RUVBL1: variants seen among roughly 807,000 people sequenced by gnomAD.
RUVBL1 encodes the protein RuvB like AAA ATPase 1.
A neutral mutation model predicts 52.4 loss-of-function variants in RUVBL1; 4 were observed. The ratio of observed to expected loss-of-function variants is 0.08; its 90% CI spans 0.04 to 0.17. RUVBL1 has a LOEUF of 0.17. RUVBL1 is among the 10% of genes least tolerant of loss of function. The pLI is 1.00. For missense variants in RUVBL1, 298 were observed against 572.8 expected, an observed-to-expected ratio of 0.52 and a Z score of 4.90; for synonymous variants, 217 against 214.4, an observed-to-expected ratio of 1.01 and a Z score of -0.10.
intron 6 of RUVBL1, 56 bp downstream of exon 6, chr3:128,100,539 T>G: frequency 1.3e-6 from 2 of 1,530,866 alleles, no homozygotes; most frequent in Non-Finnish European, 1.8e-6. Flanking sequence ...TTCCCAGATC[T>G]CCACACACAT....
At position 128,099,051 on chromosome 3, in the gene RUVBL1, G is replaced by C; in HGVS notation, c.754-106C>G. 4 of 914,532 alleles carry C rather than the reference G, an allele frequency of 4.4e-6. No homozygotes were observed. In the Admixed American group the frequency reaches 5.4e-5, roughly 12 times the overall value. 56.7% of individuals were successfully genotyped at this position (914,532 alleles called of 1,614,324 possible). ...ACTCAACATGGGATCCTGAGGTATG[G>C]AGACCCCTCCTCAAAGCCTGAGGAG... is the stretch of plus-strand genomic sequence containing the variant. On this transcript the variant is annotated intron_variant, in intron 6 of 10. Transcript: ENST00000322623.
At chr3:128,088,366 A>C (rs1308850837) in intron 8 of RUVBL1, among the ~76,000 whole-genome samples, 1 of 149,734 alleles carries the variant, frequency 6.7e-6, no homozygotes, top group Non-Finnish European at 1.5e-5. Flanking sequence ...ACTCAAAAAT[A>C]ATCATCTAGA....
At chr3:128,127,709 T>G (rs1385629527), upstream of RUVBL1, among the ~76,000 whole-genome samples, 1 of 152,120 alleles carries the variant, frequency 6.6e-6, no homozygotes, top group Non-Finnish European at 1.5e-5. Flanking sequence ...TTAAATGTTG[T>G]TATTTGGCCA....
In RUVBL1 at chr3:128,150,529, T is replaced by C. The variant is rs886313712; in HGVS notation, c.-40+2674A>G. On this transcript the variant is annotated intron_variant, in intron 1 of 9. Coordinates refer to the RUVBL1 transcript ENST00000464873. Reference sequence around the variant, plus strand: ...TTCCATTGTATGGAATATACATCCATATGTATATATGTATGTTCCATATGT... The same window carrying C: ...TTCCATTGTATGGAATATACATCCACATGTATATATGTATGTTCCATATGT... 2.0e-4 allele frequency among the ~76,000 whole-genome samples: 29 copies of C among 146,298 alleles called. 1 individual carries two copies. Among genetic ancestry groups the C allele is most frequent in the African/African-American group, 7.1e-4 (28 of 39,710 alleles).
At chr3:128,105,959 T>TC (rs1434006946) in intron 3 of RUVBL1, among the ~76,000 whole-genome samples, 1 of 140,426 alleles carries the variant, frequency 7.1e-6, no homozygotes. Flanking sequence ...AAGCTCCGCC[T>TC]CCCAGGTTCA....
exon 1 of RUVBL1, chr3:128,153,525 G>T (rs1251305991): frequency 2.6e-6 from 4 of 1,514,864 alleles, no homozygotes; most frequent in Non-Finnish European, 8.8e-7. Flanking sequence ...GGCGGCGGGT[G>T]AACGTGAACG....
intron 7 of RUVBL1, among the ~76,000 whole-genome samples, chr3:128,098,518 G>A (rs1185904608): frequency 6.6e-6 from 1 of 152,186 alleles, no homozygotes; most frequent in Non-Finnish European, 1.5e-5. Flanking sequence ...CCCACAAACT[G>A]GGCAGGGCAG....
chr3:128,109,664 T>C (rs1250180199), intron 3 of RUVBL1, among the ~76,000 whole-genome samples: 2 of 151,950 alleles, frequency 1.3e-5, no homozygotes, highest in Non-Finnish European at 2.9e-5. Context: ...CAGCTAATTT[T>C]TGTATTTTTT....
At position 128,118,384 on chromosome 3, in the gene RUVBL1, A is replaced by T. The variant is rs563796224; in HGVS notation, c.228+944T>A. On this transcript the variant is annotated intron_variant, in intron 2 of 10. Coordinates refer to ENST00000322623, the MANE Select transcript of RUVBL1 (RefSeq NM_003707.3). ...TTATAATGCAAGTCATTATCTTACA[A>T]TCGATCAGTTTAATAATTGCTTGAA... 9.6e-4 allele frequency among the ~76,000 whole-genome samples: 146 copies of T among 152,376 alleles called. 1 individual carries two copies. Among genetic ancestry groups the T allele is most frequent in the East Asian group, 9.4e-3 (49 of 5,188 alleles).
At chr3:128,131,600 C>T (rs530212840) in intron 1 of RUVBL1, among the ~76,000 whole-genome samples, 1 of 152,148 alleles carries the variant, frequency 6.6e-6, no homozygotes, top group East Asian at 1.9e-4. Context: ...TTCTAGCAAA[C>T]CCAATTTAGC....
At chr3:128,129,466 C>A (rs1215920336) in intron 1 of RUVBL1, among the ~76,000 whole-genome samples, 1 of 151,954 alleles carries the variant, frequency 6.6e-6, no homozygotes, top group Non-Finnish European at 1.5e-5. Flanking sequence ...GAAGAAAGAT[C>A]TCAAATTCAT....
downstream of RUVBL1, among the ~76,000 whole-genome samples, chr3:128,080,043 T>C (rs1942427181): frequency 1.3e-5 from 2 of 152,180 alleles, no homozygotes; most frequent in Admixed American, 6.5e-5. Context: ...AACGCAGCTC[T>C]CATCCTACTG....
chr3:128,121,249 C>T (rs1214124053), intron 1 of RUVBL1, among the ~76,000 whole-genome samples: 1 of 151,664 alleles, frequency 6.6e-6, no homozygotes, highest in Non-Finnish European at 1.5e-5. Context: ...GCGCATACCA[C>T]CACACCCGGC....
intron 1 of RUVBL1, among the ~76,000 whole-genome samples, chr3:128,138,690 GA>G (rs995837935): frequency 1.3e-5 from 2 of 150,782 alleles, no homozygotes; most frequent in Non-Finnish European, 3.0e-5. Context: ...CACAGAAATA[GA>G]AAAAAAAATC....
intron 1 of RUVBL1, 43 bp downstream of exon 1, chr3:128,123,541 A>G: frequency 6.6e-7 from 1 of 1,514,684 alleles, no homozygotes; most frequent in Non-Finnish European, 8.9e-7. Context: ...TCGCCGCAGC[A>G]GCCCTGCTTG....
intron 1 of RUVBL1, among the ~76,000 whole-genome samples, chr3:128,136,418 G>A (rs1180493026): frequency 1.3e-5 from 2 of 152,070 alleles, no homozygotes; most frequent in Admixed American, 6.5e-5. Context: ...GTGAGCCCAG[G>A]AGTTTGAGAC....
chr3:128,124,615 C>A (rs968689512), upstream of RUVBL1, among the ~76,000 whole-genome samples: 2 of 152,232 alleles, frequency 1.3e-5, no homozygotes, highest in African/African-American at 4.8e-5. Context: ...ATCCATCCAT[C>A]CATCCGTTCA....
At chr3:128,153,836 C>G in exon 1 of RUVBL1, 2 of 1,498,848 alleles carry the variant, frequency 1.3e-6, no homozygotes, top group Non-Finnish European at 1.8e-6. Context: ...GAGCGCGGGC[C>G]GGGGCGGGAG....
At position 128,152,903 on chromosome 3, in the gene RUVBL1, CG is replaced by C. The variant is rs555464846; in HGVS notation, c.-40+299del. Among the ~76,000 whole-genome samples the C allele has an allele frequency of 1.4e-4, 8 of 55,802 alleles. 1 individual carries two copies. Among genetic ancestry groups the C allele is most frequent in the African/African-American group, 2.2e-4 (3 of 13,926 alleles). The allele number at this position is 55,802 out of a possible 152,430, so 36.6% of individuals were successfully genotyped here. A position where few individuals can be genotyped will look rare whatever the true frequency, so the allele number is the denominator to read the frequency against. On this transcript the variant is annotated intron_variant, in intron 1 of 9. Transcript: ENST00000464873. Reference sequence around the variant, plus strand: ...ATTTGCCCCCTCCCCCACGTCCCCCCGCCCTCCCCCGCCCCCCGCCGTCCCC... The same window carrying C: ...ATTTGCCCCCTCCCCCACGTCCCCCCCCCTCCCCCGCCCCCCGCCGTCCCC...
Sources: allele counts gnomAD v4.1 joint callset (sites outside exome capture counted in the v4.1 genomes callset), GRCh38; gene constraint gnomAD v4.1.1; transcripts MANE v1.5; gene names NCBI Gene and HGNC (gene_info 2026-07-23, HGNC 2026-07-21).